PCDHA6: variants seen among roughly 807,000 people sequenced by gnomAD.
The protein encoded by PCDHA6 is protocadherin alpha 6.
In PCDHA6, 55 loss-of-function variants were observed where a neutral mutation model predicts 60.3. That is an observed-to-expected ratio of 0.91 (90% CI 0.73 to 1.14). PCDHA6 has a LOEUF of 1.14. Ranked by LOEUF, PCDHA6 falls within the 50% of genes most tolerant of loss-of-function variation. The pLI, the probability that PCDHA6 is intolerant of heterozygous loss-of-function variation, is 0.00. For missense variants in PCDHA6, 1,327 were observed against 1,256.5 expected (o/e 1.06, Z -0.85); for synonymous variants, 652 against 557.9 (o/e 1.17, Z -2.38).
chr5:140,836,619 G>A (rs1272044084), intron 1 of PCDHA6: 3 of 1,613,602 alleles, frequency 1.9e-6, no homozygotes, highest in Non-Finnish European at 2.5e-6. Context: ...CAGCGCGGTG[G>A]GGAGCTGGTC....
intron 3 of PCDHA6, among the ~76,000 whole-genome samples, chr5:140,983,425 C>T (rs1252010683): frequency 2.0e-5 from 3 of 152,198 alleles, no homozygotes; most frequent in Non-Finnish European, 4.4e-5. Context: ...GTAGAGACCA[C>T]AAATTGTGTC....
chr5:140,845,159 A>G (rs1332368561), intron 1 of PCDHA6, among the ~76,000 whole-genome samples: 4 of 149,530 alleles, frequency 2.7e-5, no homozygotes, highest in Non-Finnish European at 1.5e-5. Context: ...TGTAAAAGCG[A>G]ATTGTTTTCA....
chr5:140,915,204 C>A (rs2077022161), intron 1 of PCDHA6, among the ~76,000 whole-genome samples: 1 of 152,120 alleles, frequency 6.6e-6, no homozygotes, highest in African/African-American at 2.4e-5. Flanking sequence ...ATCTTGGCCT[C>A]CCAAAGTGCT....
chr5:140,882,769 A>C, intron 1 of PCDHA6: 1 of 1,614,242 alleles, frequency 6.2e-7, no homozygotes, highest in Admixed American at 1.7e-5. Context: ...TAAACTCGGC[A>C]TTGACCTACC....
At chr5:140,901,644 G>A (rs1223864756) in intron 1 of PCDHA6, among the ~76,000 whole-genome samples, 1 of 152,024 alleles carries the variant, frequency 6.6e-6, no homozygotes, top group Non-Finnish European at 1.5e-5. Context: ...GATTCTTCCG[G>A]TTTTGTTCTT....
chr5:140,859,125 T>C (rs2045735975), intron 1 of PCDHA6: 1 of 150,194 alleles, frequency 6.7e-6, no homozygotes, highest in East Asian at 1.9e-4. Flanking sequence ...TATGTTTCTT[T>C]TATTTACATA....
At chr5:140,849,767 G>A (rs1373587941) in intron 1 of PCDHA6, 1 of 1,598,498 alleles carries the variant, frequency 6.3e-7, no homozygotes, top group Non-Finnish European at 8.6e-7. Flanking sequence ...ACGAGCTGGT[G>A]GTTACCGCGC....
intron 1 of PCDHA6, chr5:140,876,262 C>A (rs1554168436): frequency 6.2e-7 from 1 of 1,614,012 alleles, no homozygotes. Context: ...AGTGATCCAA[C>A]TAAATGCTTC....
At chr5:140,928,555 A>T in intron 1 of PCDHA6, 1 of 1,614,240 alleles carries the variant, frequency 6.2e-7, no homozygotes, top group South Asian at 1.1e-5. Flanking sequence ...TTATCCGGTT[A>T]TCTTGTTTCC....
intron 1 of PCDHA6, among the ~76,000 whole-genome samples, chr5:140,919,250 T>G (rs1471325437): frequency 6.6e-6 from 1 of 152,236 alleles, no homozygotes; most frequent in African/African-American, 2.4e-5. Flanking sequence ...TTGTCTGTTT[T>G]GTCTGATATT....
At chr5:140,893,011 T>C (rs1194599055) in intron 1 of PCDHA6, among the ~76,000 whole-genome samples, 1 of 152,234 alleles carries the variant, frequency 6.6e-6, no homozygotes, top group Non-Finnish European at 1.5e-5. Flanking sequence ...TATTTTTCTG[T>C]GCCTGACTTA....
In PCDHA6 at chr5:140,828,063, T is replaced by C. The variant is rs2150150500; in HGVS notation, c.-29T>C. On this transcript the variant is annotated 5_prime_UTR_variant, in exon 1 of 4. The change abolishes the stop of an existing upstream ORF in the 5' untranslated region. Coordinates refer to ENST00000529310, the MANE Select transcript of PCDHA6 (RefSeq NM_018909.4). ...TTTTATCTTTATGCGGAAGATCTTCTAATGGAAATAAAACCAGAGGTATTT... is the reference window on the plus strand; with the variant it reads ...TTTTATCTTTATGCGGAAGATCTTCCAATGGAAATAAAACCAGAGGTATTT... The C allele has an allele frequency of 1.3e-6, 2 of 1,558,310 alleles. No individual in the cohort carries two copies. The highest frequency in any genetic ancestry group is 2.0e-5 in the Admixed American group (1 of 50,646).
At position 140,857,233 on chromosome 5, in the gene PCDHA6, G is replaced by A. The variant is rs1308790390; in HGVS notation, c.2394+26748G>A. The A allele has an allele frequency of 4.4e-6, 7 of 1,598,456 alleles. 1 individual carries two copies. Among genetic ancestry groups the A allele is most frequent in the Non-Finnish European group, 6.0e-6 (7 of 1,167,974 alleles). On this transcript the variant is annotated intron_variant, in intron 1 of 3. Coordinates refer to ENST00000529310, the MANE Select transcript of PCDHA6 (RefSeq NM_018909.4). Reference sequence around the variant, plus strand: ...CTCTGACGCCTCACGTTCCGTTCAAGCTGGTGTCCACCTACAAGAATTACT... The same window carrying A: ...CTCTGACGCCTCACGTTCCGTTCAAACTGGTGTCCACCTACAAGAATTACT...
intron 3 of PCDHA6, among the ~76,000 whole-genome samples, chr5:141,000,640 C>G (rs2097954123): frequency 6.6e-6 from 1 of 151,256 alleles, no homozygotes; most frequent in South Asian, 2.1e-4. Flanking sequence ...GTTGGGCAGG[C>G]TGGTCTCGAA....
At chr5:140,875,735 C>T in intron 1 of PCDHA6, 1 of 1,614,232 alleles carries the variant, frequency 6.2e-7, no homozygotes. Context: ...TTTGTGAATT[C>T]TCGGATCGAC....
intron 1 of PCDHA6, chr5:140,883,443 A>AT (rs1554178222): frequency 6.2e-7 from 1 of 1,614,136 alleles, no homozygotes; most frequent in Admixed American, 1.7e-5. Flanking sequence ...TTGACGCCGC[A>AT]TGTCCCCTTC....
chr5:140,894,484 T>C (rs2064498102), intron 1 of PCDHA6, among the ~76,000 whole-genome samples: 1 of 152,002 alleles, frequency 6.6e-6, no homozygotes, highest in Admixed American at 6.5e-5. Flanking sequence ...TTTCATCTTA[T>C]AGTTTTCTTT....
chr5:140,966,279 G>A, intron 1 of PCDHA6: 1 of 364,628 alleles, frequency 2.7e-6, no homozygotes, highest in Non-Finnish European at 4.9e-6. Flanking sequence ...ACTGGACAGT[G>A]GGGGTAGGGA....
chr5:140,916,268 T>C (rs1190209711), intron 1 of PCDHA6, among the ~76,000 whole-genome samples: 3 of 152,206 alleles, frequency 2.0e-5, no homozygotes, highest in Non-Finnish European at 4.4e-5. Flanking sequence ...AAGAGCATGC[T>C]TGTTGCTCTA....
Sources: allele counts gnomAD v4.1 joint callset (sites outside exome capture counted in the v4.1 genomes callset), GRCh38; gene constraint gnomAD v4.1.1; transcripts MANE v1.5; gene names NCBI Gene and HGNC (gene_info 2026-07-23, HGNC 2026-07-21).